CEP63: variants seen among roughly 807,000 people sequenced by gnomAD.
The protein encoded by CEP63 is centrosomal protein 63, also known as centrosomal protein of 63 kDa.
CEP63 carries 84 observed loss-of-function variants against 89.1 expected under a neutral mutation model. That is an observed-to-expected ratio of 0.94 (90% CI 0.79 to 1.13). The LOEUF is 1.13. Among genes scored for constraint, CEP63 ranks in the 50% most tolerant of loss-of-function variants. The pLI, the probability that CEP63 is intolerant of heterozygous loss-of-function variation, is 0.00. For synonymous variants in CEP63, 267 were observed against 272.5 expected (o/e 0.98, Z 0.20); for missense variants, 838 against 813.3 (o/e 1.03, Z -0.37).
the CEP63 span, among the ~76,000 whole-genome samples, chr3:134,620,143 G>A: frequency 6.6e-6 from 1 of 152,140 alleles, no homozygotes; most frequent in African/African-American, 2.4e-5. Context: ...GCATCCCTTA[G>A]CCACCACCTC....
chr3:134,545,361 C>T (rs1017181475), intron 6 of CEP63, among the ~76,000 whole-genome samples: 7 of 151,556 alleles, frequency 4.6e-5, no homozygotes, highest in African/African-American at 1.7e-4. Context: ...AACTCCTGAG[C>T]TCAAGCGATC....
At chr3:134,769,248 C>A in the CEP63 span, among the ~76,000 whole-genome samples, 16 of 152,162 alleles carry the variant, frequency 1.1e-4, no homozygotes, top group African/African-American at 3.9e-4. Context: ...ACCTGGGAAT[C>A]TGTAAAACAG....
the CEP63 span, among the ~76,000 whole-genome samples, chr3:134,711,772 T>C: frequency 6.6e-6 from 1 of 151,362 alleles, no homozygotes; most frequent in African/African-American, 2.4e-5. Context: ...TTTTCTTTTT[T>C]TTTTTTTTGA....
At chr3:134,540,782 T>TTA (rs1951832062) in intron 6 of CEP63, among the ~76,000 whole-genome samples, 1 of 150,720 alleles carries the variant, frequency 6.6e-6, no homozygotes, top group Non-Finnish European at 1.5e-5. Context: ...TTTTTTTTTT[T>TTA]AAATCTTAAT....
At chr3:134,493,757 A>G (rs1041490533) in intron 1 of CEP63, among the ~76,000 whole-genome samples, 1 of 152,056 alleles carries the variant, frequency 6.6e-6, no homozygotes, top group African/African-American at 2.4e-5. Context: ...GACTATTAAT[A>G]CCTTGAAAGG....
downstream of CEP63, among the ~76,000 whole-genome samples, chr3:134,566,456 AG>A (rs1957762579): frequency 6.6e-6 from 1 of 152,230 alleles, no homozygotes; most frequent in East Asian, 1.9e-4. Context: ...CCATAGCTTT[AG>A]GGACTAGAGT....
the CEP63 span, among the ~76,000 whole-genome samples, chr3:134,630,263 G>T: frequency 6.6e-6 from 1 of 152,138 alleles, no homozygotes; most frequent in Admixed American, 6.5e-5. Context: ...TCTCAACTCA[G>T]CCCCCAGGCA....
At chr3:134,671,189 A>G in the CEP63 span, among the ~76,000 whole-genome samples, 1 of 152,242 alleles carries the variant, frequency 6.6e-6, no homozygotes, top group Non-Finnish European at 1.5e-5. Context: ...TTGCAGCAAC[A>G]TGGATGCAGC....
At chr3:134,647,573 G>T in the CEP63 span, 1 of 843,414 alleles carries the variant, frequency 1.2e-6, no homozygotes, top group Non-Finnish European at 2.0e-6. Context: ...ACTTATCTAG[G>T]TTATGGTAGA....
At chr3:134,690,881 T>A in the CEP63 span, among the ~76,000 whole-genome samples, 1 of 151,922 alleles carries the variant, frequency 6.6e-6, no homozygotes, top group African/African-American at 2.4e-5. Context: ...CCCAAGTAGC[T>A]GGGATTACAG....
the CEP63 span, among the ~76,000 whole-genome samples, chr3:134,642,935 C>G: frequency 6.6e-6 from 1 of 152,154 alleles, no homozygotes; most frequent in Admixed American, 6.5e-5. Context: ...ACCTGTCAAA[C>G]AGGGTTGCTG....
At chr3:134,625,938 C>A in the CEP63 span, among the ~76,000 whole-genome samples, 424 of 152,372 alleles carry the variant, frequency 2.8e-3, 1 homozygote, top group African/African-American at 9.8e-3. Context: ...ATCATGCAAG[C>A]TTCCCACTGG....
intron 9 of CEP63, among the ~76,000 whole-genome samples, 164 bp downstream of exon 9, chr3:134,547,636 G>C (rs572492378): frequency 0.03 from 638 of 21,494 alleles, 9 homozygotes; most frequent in African/African-American, 0.071. Flanking sequence ...TTTTGAGACG[G>C]AGTCCGCTCT....
chr3:134,587,365 C>T (rs1222424559), intron 10 of CEP63, among the ~76,000 whole-genome samples: 5 of 152,166 alleles, frequency 3.3e-5, no homozygotes, highest in Non-Finnish European at 5.9e-5. Flanking sequence ...TGGTGACCTA[C>T]ATATGGGGTT....
the CEP63 span, among the ~76,000 whole-genome samples, chr3:134,771,359 C>G: frequency 1.3e-5 from 2 of 152,180 alleles, no homozygotes; most frequent in Non-Finnish European, 2.9e-5. Flanking sequence ...AACACAAGAA[C>G]AGAAAACCAA....
intron 2 of CEP63, among the ~76,000 whole-genome samples, chr3:134,503,100 C>CTTTTTTTTTTTTTTTT (rs34673408): frequency 4.3e-5 from 4 of 92,038 alleles, no homozygotes; most frequent in African/African-American, 8.6e-5. Context: ...TGATTTCAAT[C>CTTTTTTTTTTTTTTTT]TTTTTTTTTT....
chr3:134,623,419 C>T, the CEP63 span, among the ~76,000 whole-genome samples: 5 of 152,186 alleles, frequency 3.3e-5, no homozygotes, highest in East Asian at 9.6e-4. Context: ...TCATCCTCCC[C>T]TCCTGCTTCA....
the CEP63 span, among the ~76,000 whole-genome samples, chr3:134,612,586 G>A: frequency 6.6e-6 from 1 of 152,136 alleles, no homozygotes; most frequent in African/African-American, 2.4e-5. Flanking sequence ...GAGGTGTAGG[G>A]GTGGGATAGA....
chr3:134,606,674 C>T, the CEP63 span, among the ~76,000 whole-genome samples: 1 of 152,168 alleles, frequency 6.6e-6, no homozygotes. Flanking sequence ...TCATTTCCTG[C>T]CACGTCTTAG....
Sources: allele counts gnomAD v4.1 joint callset (sites outside exome capture counted in the v4.1 genomes callset), GRCh38; gene constraint gnomAD v4.1.1; transcripts MANE v1.5; gene names NCBI Gene and HGNC (gene_info 2026-07-23, HGNC 2026-07-21).